The following DISC1 variants were observed in gnomAD, a reference collection of about 807,000 sequenced individuals.
DISC1 encodes DISC1 scaffold protein, also known as disrupted in schizophrenia 1 protein.
In DISC1, 57 loss-of-function variants were observed where a neutral mutation model predicts 84.5. The observed-to-expected ratio is 0.67, with a 90% confidence interval of 0.55 to 0.84. The LOEUF is 0.84. Among genes scored for constraint, DISC1 ranks in the 40% least tolerant of loss-of-function variants. DISC1 has a pLI of 0.00. For missense variants in DISC1, 1,000 were observed against 1,057.8 expected, an observed-to-expected ratio of 0.95 and a Z score of 0.76; for synonymous variants, 411 against 415.2, an observed-to-expected ratio of 0.99 and a Z score of 0.12.
At chr1:231,678,292 A>G (rs1232159319) in intron 1 of DISC1, among the ~76,000 whole-genome samples, 1 of 152,208 alleles carries the variant, frequency 6.6e-6, no homozygotes, top group Non-Finnish European at 1.5e-5. Context: ...TGTTATTTAC[A>G]CCCACCAGAA....
At chr1:231,959,795 A>G (rs1660124363) in intron 10 of DISC1, among the ~76,000 whole-genome samples, 1 of 152,294 alleles carries the variant, frequency 6.6e-6, no homozygotes, top group Admixed American at 6.5e-5. Context: ...GGAAGAATCT[A>G]TGACACAGGT....
chr1:232,001,187 C>T (rs9432086), intron 10 of DISC1, among the ~76,000 whole-genome samples: 43,748 of 151,846 alleles, frequency 0.29, 6,575 homozygotes, highest in African/African-American at 0.34. Context: ...CAAGTGATTC[C>T]CCTGTCTCAG....
intron 1 of DISC1, among the ~76,000 whole-genome samples, chr1:231,678,918 C>T (rs1247870151): frequency 3.3e-5 from 5 of 151,428 alleles, no homozygotes; most frequent in Non-Finnish European, 7.4e-5. Context: ...CCTCGTGATC[C>T]ACCCGCCTCA....
intron 11 of DISC1, among the ~76,000 whole-genome samples, chr1:232,020,225 C>G (rs1010403942): frequency 6.6e-6 from 1 of 152,028 alleles, no homozygotes; most frequent in African/African-American, 2.4e-5. Flanking sequence ...GCCTGTAATC[C>G]CAGCTACTCG....
chr1:231,713,947 G>A (rs946101147), intron 3 of DISC1, among the ~76,000 whole-genome samples: 3 of 150,924 alleles, frequency 2.0e-5, no homozygotes, highest in African/African-American at 7.3e-5. Flanking sequence ...GCATCATAAT[G>A]GAAGGGAACA....
chr1:231,855,458 ACAAACACACAAATAACAATCCTCCTTCC>A, intron 9 of DISC1: 2 of 978,686 alleles, frequency 2.0e-6, no homozygotes, highest in Non-Finnish European at 2.4e-6. Flanking sequence ...TTCCATTAAG[ACAAACACACAAATAACAATCCTCCTTCC>A]CAAACTTGAA....
chr1:231,813,596 C>T (rs2080561791), intron 8 of DISC1, among the ~76,000 whole-genome samples: 1 of 152,200 alleles, frequency 6.6e-6, no homozygotes, highest in Non-Finnish European at 1.5e-5. Flanking sequence ...CAGCTTGAAG[C>T]TCATGGAAGT....
At chr1:231,781,102 A>G (rs1354927479) in intron 6 of DISC1, among the ~76,000 whole-genome samples, 2 of 148,580 alleles carry the variant, frequency 1.3e-5, no homozygotes, top group East Asian at 2.0e-4. Flanking sequence ...TGGCACATGT[A>G]TATATATGTA....
At chr1:231,866,675 G>T in intron 9 of DISC1, 1 of 1,442,438 alleles carries the variant, frequency 6.9e-7, no homozygotes. Flanking sequence ...GCATTGAAGA[G>T]ACATGATGTC....
rs183671709 is a variant in DISC1, at chr1:231,947,422, G to C, written c.1982-11406G>C. Among the ~76,000 whole-genome samples the C allele has an allele frequency of 7.2e-5, 11 of 152,230 alleles. No individual in the cohort carries two copies. In the East Asian group the frequency reaches 1.7e-3, roughly 24 times the overall value. On this transcript the variant is annotated intron_variant, in intron 9 of 12. Coordinates refer to ENST00000439617, the MANE Select transcript of DISC1 (RefSeq NM_018662.3). Reference sequence around the variant, plus strand: ...CAGCCATATTCAGAAAACTGAAACTGGACCCCTTCCTTACACCTTGTACAG... The same window carrying C: ...CAGCCATATTCAGAAAACTGAAACTCGACCCCTTCCTTACACCTTGTACAG...
intron 10 of DISC1, among the ~76,000 whole-genome samples, chr1:232,006,998 A>G (rs1667536287): frequency 6.6e-6 from 1 of 152,220 alleles, no homozygotes; most frequent in East Asian, 1.9e-4. Flanking sequence ...CCAAGCCCCA[A>G]GCCTTGGAGG....
intron 3 of DISC1, chr1:231,723,905 G>T: frequency 1.0e-6 from 1 of 985,430 alleles, no homozygotes; most frequent in Non-Finnish European, 1.2e-6. Context: ...CAGTGCCGAT[G>T]TCTGGACAAT....
intron 3 of DISC1, among the ~76,000 whole-genome samples, chr1:231,736,816 C>T (rs935888254): frequency 2.0e-5 from 3 of 152,152 alleles, no homozygotes; most frequent in African/African-American, 7.2e-5. Flanking sequence ...TAAAAGACCT[C>T]CTTAGAATTA....
intron 4 of DISC1, among the ~76,000 whole-genome samples, chr1:231,763,492 T>G (rs960808021): frequency 1.3e-5 from 2 of 152,250 alleles, no homozygotes; most frequent in African/African-American, 4.8e-5. Context: ...ACCTTTAAGA[T>G]TATTCAGAGA....
intron 9 of DISC1, among the ~76,000 whole-genome samples, chr1:231,844,142 T>G (rs1190994295): frequency 3.3e-5 from 5 of 152,210 alleles, no homozygotes; most frequent in Non-Finnish European, 7.3e-5. Flanking sequence ...GGGGTTCCCC[T>G]GCCTTTAGGG....
rs1276527246 is a variant in DISC1, at chr1:231,693,878, A to G, written c.120A>G (p.Ala40=). The change falls in exon 2 of 13, where the codon GCA becomes GCG. Residue 40 remains alanine (A), a synonymous_variant. Coordinates refer to ENST00000439617, the MANE Select transcript of DISC1 (RefSeq NM_018662.3). The part of the protein sequence containing the change: ...PAACFRRRRL[A]RRPGYMRSST... ...CGTGCTTTCGGAGGCGGCGGCTGGC[A>G]CGGAGGCCGGGCTACATGAGAAGCT... 6 of 1,613,952 alleles carry G rather than the reference A, an allele frequency of 3.7e-6. No individual in the cohort carries two copies. In the South Asian group the frequency reaches 4.4e-5, roughly 12 times the overall value.
chr1:231,815,559 A>C (rs537459842), intron 8 of DISC1, among the ~76,000 whole-genome samples: 1 of 152,236 alleles, frequency 6.6e-6, no homozygotes, highest in East Asian at 1.9e-4. Context: ...CAACATGGTG[A>C]AACCCCGGCT....
chr1:231,749,838 A>G (rs2074410458), intron 3 of DISC1, 88 bp from the exon 4 acceptor site: 3 of 1,569,030 alleles, frequency 1.9e-6, no homozygotes, highest in Non-Finnish European at 2.6e-6. Context: ...GCAAAGGTTC[A>G]CTACAACTGG....
chr1:231,789,417 G>A (rs546741262), intron 6 of DISC1, among the ~76,000 whole-genome samples: 97 of 152,360 alleles, frequency 6.4e-4, no homozygotes, highest in African/African-American at 2.3e-3. Context: ...CGACTCAGGT[G>A]TGATGGAGTG....
Sources: gnomAD v4.1 joint callset for allele counts (sites outside exome capture counted in the v4.1 genomes callset) on GRCh38, gnomAD v4.1.1 for gene constraint, MANE v1.5 for transcripts, NCBI Gene and HGNC (gene_info 2026-07-23, HGNC 2026-07-21) for gene names.